The following GCKR variants were observed in gnomAD, a reference collection of about 807,000 sequenced individuals.
GCKR encodes the protein glucokinase regulatory protein.
A neutral mutation model predicts 82.9 loss-of-function variants in GCKR; 73 were observed. The ratio of observed to expected loss-of-function variants is 0.88; its 90% CI spans 0.73 to 1.07. The LOEUF (loss-of-function observed/expected upper bound fraction) is 1.07, where lower values mean the gene tolerates loss of function less well. GCKR is among the 50% of genes least tolerant of loss of function. The probability of loss-of-function intolerance (pLI) is 0.00; values close to 1 mark genes in which losing one functional copy is unlikely to be tolerated. For missense variants in GCKR, 784 were observed against 782.1 expected, an observed-to-expected ratio of 1.00 and a Z score of -0.03; for synonymous variants, 294 against 291.8, an observed-to-expected ratio of 1.01 and a Z score of -0.08.
chr2:27,509,513 T>C (rs1304171835), intron 16 of GCKR: 1 of 445,954 alleles, frequency 2.2e-6, no homozygotes, highest in Middle Eastern at 3.5e-4. Flanking sequence ...CTAATTTTTG[T>C]ATTTTTTTTG....
Position 27,499,548 on chromosome 2 carries a change from A to C in GCKR, c.549+98A>C, listed in dbSNP as rs923554747. On this transcript the variant is annotated intron_variant, in intron 7 of 18. Transcript: ENST00000264717. ...ATAGATCAATGAGATCGGTGCTAGA[A>C]GGCAGGAAGTTTGCTCAAGGAATTT... 3.1e-6 allele frequency: 3 copies of C among 964,802 alleles called. 1 individual carries two copies. In the Middle Eastern group the frequency reaches 6.2e-4, roughly 201 times the overall value. The allele number at this position is 964,802 out of a possible 1,614,324, so 59.8% of individuals were successfully genotyped here.
At position 27,522,614 on chromosome 2, in the gene GCKR, T is replaced by C. The variant is rs1394642298; in HGVS notation, c.1707+20T>C. ...GAACAGGTATCCTGCCCACTGCTGGTCATTCAACAAATACTTTTTGAGTAC... is the reference window on the plus strand; with the variant it reads ...GAACAGGTATCCTGCCCACTGCTGGCCATTCAACAAATACTTTTTGAGTAC... On this transcript the variant is annotated intron_variant, in intron 18 of 18. Coordinates refer to ENST00000264717, the MANE Select transcript of GCKR (RefSeq NM_001486.4). 1.9e-6 allele frequency: 3 copies of C among 1,604,530 alleles called. No homozygotes were observed. The highest frequency in any genetic ancestry group is 2.6e-6 in the Non-Finnish European group (3 of 1,171,414).
chr2:27,499,714 C>T (rs1327023223), intron 7 of GCKR, among the ~76,000 whole-genome samples: 1 of 152,208 alleles, frequency 6.6e-6, no homozygotes, highest in Admixed American at 6.5e-5. Context: ...AATATACTGG[C>T]TGGCCAATGC....
intron 17 of GCKR, among the ~76,000 whole-genome samples, chr2:27,519,148 C>CT (rs1445678019): frequency 6.6e-6 from 1 of 152,100 alleles, no homozygotes. Flanking sequence ...AGGCAAGACT[C>CT]TTTCAGTTAC....
At chr2:27,510,077 C>A (rs1669844753) in intron 16 of GCKR, among the ~76,000 whole-genome samples, 1 of 151,670 alleles carries the variant, frequency 6.6e-6, no homozygotes, top group Non-Finnish European at 1.5e-5. Flanking sequence ...GGCGCGATCT[C>A]CGCTCACTGC....
intron 7 of GCKR, among the ~76,000 whole-genome samples, chr2:27,500,088 T>G (rs746401398): frequency 6.6e-6 from 1 of 151,676 alleles, no homozygotes; most frequent in African/African-American, 2.4e-5. Context: ...TTTTTGTTTT[T>G]GTTTTGGTTG....
intron 12 of GCKR, 84 bp from the exon 13 acceptor site, chr2:27,507,151 G>A: frequency 1.0e-6 from 1 of 976,556 alleles, no homozygotes; most frequent in South Asian, 1.3e-5. Context: ...TTTCCTCCCA[G>A]TCCCATTTTC....
At chr2:27,498,679 T>C in intron 4 of GCKR, 45 bp from the exon 5 acceptor site, 1 of 1,173,682 alleles carries the variant, frequency 8.5e-7, no homozygotes, top group Non-Finnish European at 1.3e-6. Flanking sequence ...AGATAATTGT[T>C]TCTTCTCTGT....
intron 9 of GCKR, among the ~76,000 whole-genome samples, chr2:27,504,202 A>G (rs889873284): frequency 6.6e-6 from 1 of 152,238 alleles, no homozygotes; most frequent in Non-Finnish European, 1.5e-5. Context: ...ACCATCTGCG[A>G]CATTCTCCTC....
chr2:27,517,147 T>G (rs986760062), intron 16 of GCKR, among the ~76,000 whole-genome samples: 23 of 151,918 alleles, frequency 1.5e-4, no homozygotes, highest in Non-Finnish European at 3.1e-4. Flanking sequence ...TAAGTAGCTC[T>G]GACTTACAGG....
rs757507939 is a variant in GCKR at position 27,506,820 on chromosome 2, G to T, written c.1001G>T (p.Gly334Val). The change falls in exon 12 of 19, where the codon GGC (glycine) becomes GTC (valine). Residue 334 changes from glycine to valine, a missense_variant. Coordinates refer to ENST00000264717, the MANE Select transcript of GCKR (RefSeq NM_001486.4). ...AAGAAAGGCCACGTGTACCTGGTTGGCTGGCAGACCCTGGGCATCATTGCC... is the reference window on the plus strand; with the variant it reads ...AAGAAAGGCCACGTGTACCTGGTTGTCTGGCAGACCCTGGGCATCATTGCC... ...LEKKGHVYLV[G>V]WQTLGIIAIM... 4 of 1,613,432 alleles carry T rather than the reference G, an allele frequency of 2.5e-6. No homozygotes were observed. Among genetic ancestry groups the T allele is most frequent in the Non-Finnish European group, 3.4e-6 (4 of 1,179,482 alleles).
chr2:27,504,259 G>T (rs1170271549), intron 9 of GCKR, among the ~76,000 whole-genome samples: 1 of 152,044 alleles, frequency 6.6e-6, no homozygotes, highest in Non-Finnish European at 1.5e-5. Flanking sequence ...TATGACATAA[G>T]AATTCCACGG....
Position 27,523,518 on chromosome 2 carries a change from A to G in GCKR, c.*79A>G. ...CCCGCCCAAGGGGACTTGTGCCAGC[A>G]GAACATGTGGGAGGAAGAAGCCCCG... is the stretch of plus-strand genomic sequence containing the variant. On this transcript the variant is annotated 3_prime_UTR_variant, in exon 19 of 19. Transcript: ENST00000264717. 7.7e-6 allele frequency: 11 copies of G among 1,428,514 alleles called. No homozygotes were observed. The South Asian group carries it at 1.3e-4, about 16-fold the overall frequency. The allele number at this position is 1,428,514 out of a possible 1,614,324, so 88.5% of individuals were successfully genotyped here.
At chr2:27,520,796 G>A (rs1670132051) in intron 17 of GCKR, among the ~76,000 whole-genome samples, 1 of 152,158 alleles carries the variant, frequency 6.6e-6, no homozygotes, top group South Asian at 2.1e-4. Context: ...AGCATTCTGG[G>A]AGGCCGAAGC....
At chr2:27,522,411 A>C (rs1204705340) in intron 17 of GCKR, 49 bp from the exon 18 acceptor site, 1 of 1,603,180 alleles carries the variant, frequency 6.2e-7, no homozygotes, top group Admixed American at 1.7e-5. Context: ...CTCCATTCTT[A>C]GTTCCTCTGG....
In GCKR at chr2:27,507,237, T is replaced by G; in HGVS notation, c.1069T>G (p.Phe357Val). 6.2e-7 allele frequency: 1 copy of G among 1,607,268 alleles called. No homozygotes were observed. The highest frequency in any genetic ancestry group is 1.3e-5 in the African/African-American group (1 of 74,916). ...CTCCTTGTTCTTAAACTTCCCAGAT[T>G]TCCGAGATGTCCGTGGCTTTCTCAT... ...VECIHTFGADFRDVRGFLIGD... is the reference protein window; with the variant it reads ...VECIHTFGADVRDVRGFLIGD... The change falls in exon 13 of 19, where the codon TTC becomes GTC. Residue 357 changes from phenylalanine to valine, a missense_variant and splice_region_variant. Physicochemically the swap from Phe to Val is conservative, Grantham distance 50. Transcript: ENST00000264717.
At chr2:27,502,676 G>A (rs941595894) in intron 8 of GCKR, among the ~76,000 whole-genome samples, 3 of 152,078 alleles carry the variant, frequency 2.0e-5, no homozygotes, top group Admixed American at 6.6e-5. Flanking sequence ...TTTATACAAC[G>A]GGCATGAAAT....
chr2:27,498,364 T>C (rs1188533336), intron 4 of GCKR, 41 bp downstream of exon 4: 1 of 1,464,374 alleles, frequency 6.8e-7, no homozygotes, highest in African/African-American at 1.4e-5. Context: ...CCTCCACTTC[T>C]GGAGGTGACC....
At chr2:27,504,020 A>G (rs1418393372) in intron 9 of GCKR, among the ~76,000 whole-genome samples, 1 of 152,136 alleles carries the variant, frequency 6.6e-6, no homozygotes, top group African/African-American at 2.4e-5. Context: ...GCCTTTCTAA[A>G]TCCTCTCCAA....
Sources: gnomAD v4.1 joint callset for allele counts (sites outside exome capture counted in the v4.1 genomes callset) on GRCh38, gnomAD v4.1.1 for gene constraint, MANE v1.5 for transcripts, NCBI Gene and HGNC (gene_info 2026-07-23, HGNC 2026-07-21) for gene names.